The following PAICS variants were observed in gnomAD, a reference collection of about 807,000 sequenced individuals.
The protein encoded by PAICS is phosphoribosylaminoimidazole carboxylase and phosphoribosylaminoimidazolesuccinocarboxamide synthase.
In PAICS, 33 loss-of-function variants were observed where a neutral mutation model predicts 53.7. The ratio of observed to expected loss-of-function variants is 0.61; its 90% CI spans 0.47 to 0.82. The LOEUF (loss-of-function observed/expected upper bound fraction) is 0.82, where lower values mean the gene tolerates loss of function less well. Among genes scored for constraint, PAICS ranks in the 40% least tolerant of loss-of-function variants. The probability of loss-of-function intolerance (pLI) is 0.00; values close to 1 mark genes in which losing one functional copy is unlikely to be tolerated. For missense variants in PAICS, 394 were observed against 494.1 expected (o/e 0.80, Z 1.92); for synonymous variants, 141 against 167.2 (o/e 0.84, Z 1.21).
At chr4:56,417,164 T>C in the PAICS span, among the ~76,000 whole-genome samples, 20 of 152,288 alleles carry the variant, frequency 1.3e-4, no homozygotes, top group Middle Eastern at 3.4e-3. Context: ...TAATTTCTTA[T>C]TGAAGCTAGA....
chr4:56,446,319 C>T (rs1390899484), intron 2 of PAICS: 11 of 716,802 alleles, frequency 1.5e-5, no homozygotes, highest in Admixed American at 2.0e-5. Flanking sequence ...CCCTTGGTAA[C>T]TTCCATTCTC....
chr4:56,429,004 T>C, the PAICS span: 9 of 965,770 alleles, frequency 9.3e-6, no homozygotes, highest in Non-Finnish European at 9.9e-6. Context: ...CACATGAAGA[T>C]GGTAAGAGCC....
At chr4:56,418,257 C>T in the PAICS span, among the ~76,000 whole-genome samples, 1 of 152,158 alleles carries the variant, frequency 6.6e-6, no homozygotes, top group Non-Finnish European at 1.5e-5. Context: ...GAGCAGTGGT[C>T]TCTCCACTAC....
At chr4:56,427,905 T>G in the PAICS span, among the ~76,000 whole-genome samples, 1 of 152,178 alleles carries the variant, frequency 6.6e-6, no homozygotes, top group Non-Finnish European at 1.5e-5. Context: ...TCCTTATACC[T>G]GAGTTGGTAG....
rs1337739543 is a variant in PAICS at position 56,441,833 on chromosome 4, T to C, written c.187T>C (p.Cys63Arg). The stretch of plus-strand genomic sequence containing the variant: ...TGCAATCTCAAATAAAATCACCAGT[T>C]GTATTTTTCAGTTATTACAGGAAGC... ...KAAISNKITS[C>R]IFQLLQEAGI... The change falls in exon 2 of 9, where the codon TGT becomes CGT. Residue 63 changes from cysteine (C) to arginine (R), a missense_variant. Coordinates refer to ENST00000512576, the MANE Select transcript of PAICS (RefSeq NM_001079524.2). 1.3e-6 allele frequency: 2 copies of C among 1,597,570 alleles called. No individual in the cohort carries two copies. Among genetic ancestry groups the C allele is most frequent in the Non-Finnish European group, 1.7e-6 (2 of 1,171,792 alleles).
At chr4:56,412,101 G>A in the PAICS span, among the ~76,000 whole-genome samples, 3 of 152,066 alleles carry the variant, frequency 2.0e-5, no homozygotes, top group Non-Finnish European at 2.9e-5. Context: ...GAAAGTCCCC[G>A]ATTTTAACCA....
chr4:56,414,294 T>C, the PAICS span: 1 of 152,256 alleles, frequency 6.6e-6, no homozygotes, highest in Non-Finnish European at 1.5e-5. Context: ...TTTTCCACTG[T>C]TGGGATCAAC....
chr4:56,445,895 T>C (rs1718590031), intron 2 of PAICS, among the ~76,000 whole-genome samples: 2 of 152,164 alleles, frequency 1.3e-5, no homozygotes, highest in South Asian at 4.1e-4. Flanking sequence ...TAATAACACT[T>C]CCAGGAGAGG....
chr4:56,453,528 C>CAAAA (rs58717604), intron 7 of PAICS, 75 bp from the exon 8 acceptor site: 58 of 880,546 alleles, frequency 6.6e-5, no homozygotes, highest in African/African-American at 4.3e-4. Context: ...GGCCTTAAAC[C>CAAAA]AAAAAAAAAA....
At chr4:56,413,124 G>T in the PAICS span, among the ~76,000 whole-genome samples, 43 of 148,820 alleles carry the variant, frequency 2.9e-4, no homozygotes, top group Non-Finnish European at 7.5e-5. Flanking sequence ...TTGGTTTTTT[G>T]TTGTTGTTGT....
the PAICS span, among the ~76,000 whole-genome samples, chr4:56,424,654 A>C: frequency 6.6e-6 from 1 of 152,222 alleles, no homozygotes; most frequent in Non-Finnish European, 1.5e-5. Flanking sequence ...CCCTGGTCTG[A>C]AGCATAAGCG....
rs575988617 is a variant in PAICS at position 56,457,920 on chromosome 4, T to G, written c.1112-1452T>G. Among the ~76,000 whole-genome samples, 4 of 152,284 alleles carry G rather than the reference T, an allele frequency of 2.6e-5. No homozygotes were observed. In the South Asian group the frequency reaches 8.3e-4, roughly 32 times the overall value. On this transcript the variant is annotated intron_variant, in intron 8 of 8. Transcript: ENST00000512576. Reference sequence around the variant, plus strand: ...TCTGGCCTTGTGTGTTCATGCCTATTTCCTTTACTGTTTTTATAGGCTCTG... The same window carrying G: ...TCTGGCCTTGTGTGTTCATGCCTATGTCCTTTACTGTTTTTATAGGCTCTG...
upstream of PAICS, chr4:56,431,558 A>T: frequency 1.0e-6 from 1 of 968,172 alleles, no homozygotes; most frequent in Non-Finnish European, 1.2e-6. Flanking sequence ...GGTAAATCTT[A>T]TAAATTTTTA....
At chr4:56,436,130 C>T (rs1717925100), upstream of PAICS, 1 of 1,478,846 alleles carries the variant, frequency 6.8e-7, no homozygotes. Flanking sequence ...GTCCGATATC[C>T]GCGTTTCAGT....
rs1718729242 is a variant in PAICS, at chr4:56,448,442, T to C, written c.418T>C (p.Trp140Arg). 1 of 1,604,692 alleles carries C rather than the reference T, an allele frequency of 6.2e-7. No homozygotes were observed. The change falls in exon 4 of 9, where the codon TGG becomes CGG. Residue 140 changes from tryptophan (W) to arginine (R), a missense_variant. By Grantham distance (101) the Trp-to-Arg change is moderately radical (BLOSUM62 -3). Coordinates refer to ENST00000512576, the MANE Select transcript of PAICS (RefSeq NM_001079524.2). ...GGATGATGCCAATAATGACCCACAG[T>C]GGTCTGAGGAACAGCTGATTGCTGC... ...FKDDANNDPQ[W>R]SEEQLIAAKF...
chr4:56,435,812 T>C, upstream of PAICS: 1 of 1,512,860 alleles, frequency 6.6e-7, no homozygotes. Flanking sequence ...TCTCCGTTAT[T>C]TTCCAGCACC....
chr4:56,442,955 C>T (rs1265084259), intron 2 of PAICS, among the ~76,000 whole-genome samples: 1 of 152,080 alleles, frequency 6.6e-6, no homozygotes, highest in Non-Finnish European at 1.5e-5. Context: ...AATTGCAAAC[C>T]TGGATTGTCA....
the PAICS span, among the ~76,000 whole-genome samples, chr4:56,419,428 G>A: frequency 5.9e-5 from 9 of 152,042 alleles, no homozygotes; most frequent in African/African-American, 1.4e-4. Flanking sequence ...GCCAGTAACC[G>A]GCATAATAAT....
At chr4:56,435,896 C>G, upstream of PAICS, 5 of 1,485,796 alleles carry the variant, frequency 3.4e-6, no homozygotes, top group Non-Finnish European at 4.5e-6. Context: ...ATATGCCCTT[C>G]CCTGCATGCT....
Sources: gnomAD v4.1 joint callset for allele counts (sites outside exome capture counted in the v4.1 genomes callset) on GRCh38, gnomAD v4.1.1 for gene constraint, MANE v1.5 for transcripts, NCBI Gene and HGNC (gene_info 2026-07-23, HGNC 2026-07-21) for gene names.